Variants in RGPD3 observed in about 807,000 individuals in gnomAD.
The protein encoded by RGPD3 is RANBP2 like and GRIP domain containing 3.
In RGPD3, 62 loss-of-function variants were observed where a neutral mutation model predicts 154.5. The observed-to-expected ratio is 0.40, with a 90% confidence interval of 0.33 to 0.50. RGPD3 has a LOEUF of 0.50. Among genes scored for constraint, RGPD3 ranks in the 20% least tolerant of loss-of-function variants. The probability of loss-of-function intolerance (pLI) is 0.59; values close to 1 mark genes in which losing one functional copy is unlikely to be tolerated. For missense variants in RGPD3, 919 were observed against 1,716.8 expected, an observed-to-expected ratio of 0.54 and a Z score of 8.21; for synonymous variants, 308 against 607.0, an observed-to-expected ratio of 0.51 and a Z score of 7.24.
chr2:106,426,127 G>A (rs1198796228), intron 18 of RGPD3, 39 bp from the exon 19 acceptor site: 3 of 1,592,304 alleles, frequency 1.9e-6, no homozygotes, highest in South Asian at 1.1e-5. Context: ...CACTGTTAAA[G>A]TCTATACTAC....
intron 22 of RGPD3, among the ~76,000 whole-genome samples, chr2:106,411,576 C>G (rs1185754796): frequency 2.0e-5 from 3 of 151,016 alleles, no homozygotes; most frequent in Non-Finnish European, 3.0e-5. Flanking sequence ...CACCTGTAAT[C>G]CCAGCACTTT....
chr2:106,426,136 A>AC (rs767679155), intron 18 of RGPD3, 48 bp from the exon 19 acceptor site: 1 of 1,579,078 alleles, frequency 6.3e-7, no homozygotes. Flanking sequence ...AGTCTATACT[A>AC]CAGTTAAGAC....
chr2:106,424,560 T>A lies in RGPD3; in HGVS notation c.3407A>T (p.Asp1136Val), dbSNP rs1677121455. The part of the protein sequence containing the change: ...SDRAWMWSAS[D>V]FSDGDAKLER... ...TAGTTTGGCATCACCATCAGAGAAA[T>A]CACTGGCTGACCACATCCATGCTCT... Residue 1136 changes from aspartate (D) to valine (V), a missense_variant, in exon 20 of 23, where the codon GAT (aspartate) becomes GTT (valine). Physicochemically the swap from Asp to Val is radical, Grantham distance 152. Transcript: ENST00000409886. 6.2e-6 allele frequency: 10 copies of A among 1,610,156 alleles called. No individual in the cohort carries two copies. The highest frequency in any genetic ancestry group is 4.0e-5 in the African/African-American group (3 of 74,674).
At chr2:106,464,218 T>C (rs1303148632) in intron 1 of RGPD3, among the ~76,000 whole-genome samples, 5 of 149,668 alleles carry the variant, frequency 3.3e-5, no homozygotes, top group African/African-American at 1.2e-4. Context: ...TTGTGGCGGG[T>C]GCCCGTAGTC....
intron 22 of RGPD3, 130 bp from the exon 23 acceptor site, chr2:106,405,359 T>G (rs561137129): frequency 0.052 from 54,104 of 1,035,902 alleles, 2,197 homozygotes; most frequent in Non-Finnish European, 0.058. Context: ...GCCTTTTTTG[T>G]TGGGTGGGGG....
chr2:106,435,898 T>C (rs1296282424), intron 12 of RGPD3, among the ~76,000 whole-genome samples: 1 of 152,238 alleles, frequency 6.6e-6, no homozygotes, highest in Admixed American at 6.5e-5. Context: ...TATTAAGGAA[T>C]AACAGTAACA....
chr2:106,464,197 T>G (rs1678489322), intron 1 of RGPD3, among the ~76,000 whole-genome samples: 1 of 151,872 alleles, frequency 6.6e-6, no homozygotes, highest in Admixed American at 6.6e-5. Context: ...CACTAAAAAA[T>G]TAGCCGGGTG....
At chr2:106,408,606 T>A (rs1285637664) in intron 22 of RGPD3, among the ~76,000 whole-genome samples, 1 of 133,390 alleles carries the variant, frequency 7.5e-6, no homozygotes, top group Non-Finnish European at 1.6e-5. Flanking sequence ...TAATTGCTTA[T>A]CCTTAGTAGA....
At chr2:106,438,063 G>C (rs1221068235) in intron 9 of RGPD3, among the ~76,000 whole-genome samples, 1 of 152,082 alleles carries the variant, frequency 6.6e-6, no homozygotes, top group Non-Finnish European at 1.5e-5. Context: ...CCTGAGTAGG[G>C]ACTACAGGCA....
At position 106,436,188 on chromosome 2, in the gene RGPD3, C is replaced by A. The variant is rs1292217795; in HGVS notation, c.1693G>T (p.Ala565Ser). Residue 565 changes from alanine to serine, a missense_variant, in exon 12 of 23, where the codon GCC (alanine) becomes TCC (serine). Transcript: ENST00000409886. ...GGTTGAAGGCCATGTTTTTCCTGGG[C>A]TCTTAGAGTGTTTATTTCATGCTGA... The part of the protein sequence containing the change: ...LVQHEINTLR[A>S]QEKHGLQPAL... The A allele has an allele frequency of 7.4e-6, 12 of 1,611,644 alleles. No individual in the cohort carries two copies. The highest frequency in any genetic ancestry group is 1.0e-5 in the Non-Finnish European group (12 of 1,179,844).
chr2:106,415,281 A>C (rs1006649128), intron 21 of RGPD3, among the ~76,000 whole-genome samples: 1 of 151,546 alleles, frequency 6.6e-6, no homozygotes, highest in South Asian at 2.1e-4. Context: ...TTATTTAAGC[A>C]TATGTGAACA....
chr2:106,436,049 C>T (rs1306857449), intron 12 of RGPD3, 74 bp downstream of exon 12: 2 of 1,528,704 alleles, frequency 1.3e-6, no homozygotes, highest in Non-Finnish European at 1.8e-6. Context: ...AACAAAAAAA[C>T]TTTCAATAAA....
chr2:106,459,101 A>G (rs1216644896), intron 2 of RGPD3, among the ~76,000 whole-genome samples, 164 bp downstream of exon 2: 6 of 147,240 alleles, frequency 4.1e-5, no homozygotes, highest in African/African-American at 1.5e-4. Context: ...TTCAATCTCA[A>G]TGGAATCTAG....
chr2:106,468,057 C>A (rs1427338444), intron 1 of RGPD3, among the ~76,000 whole-genome samples, 160 bp downstream of exon 1: 4 of 128,670 alleles, frequency 3.1e-5, no homozygotes, highest in East Asian at 2.6e-4. Context: ...CCATCGAGGC[C>A]GCCGCAGGGC....
Position 106,443,614 on chromosome 2 carries a change from C to G in RGPD3, c.979-2234G>C, listed in dbSNP as rs1677826621. On this transcript the variant is annotated intron_variant, in intron 7 of 22. Coordinates refer to ENST00000409886, the MANE Select transcript of RGPD3 (RefSeq NM_001144013.2). ...ACCCGGCCTCTTTTACAAAATTATT[C>G]AATAGTTGAATTTGTGACCAGTTAA... is the stretch of plus-strand genomic sequence containing the variant. Among the ~76,000 whole-genome samples the G allele has an allele frequency of 2.2e-5, 2 of 92,830 alleles. 1 individual carries two copies. The highest frequency in any genetic ancestry group is 7.4e-5 in the African/African-American group (2 of 27,154). 60.9% of individuals were successfully genotyped at this position (92,830 alleles called of 152,430 possible).
At chr2:106,448,371 A>G (rs1390393039) in intron 6 of RGPD3, among the ~76,000 whole-genome samples, 1 of 152,110 alleles carries the variant, frequency 6.6e-6, no homozygotes, top group Admixed American at 6.6e-5. Flanking sequence ...CAGCTTACCA[A>G]TGTGCCGGGA....
chr2:106,446,880 C>CA lies in RGPD3; in HGVS notation c.978+537dup, dbSNP rs1156838512. 6.1e-5 allele frequency among the ~76,000 whole-genome samples: 9 copies of CA among 147,044 alleles called. 1 individual carries two copies. The highest frequency in any genetic ancestry group is 4.0e-4 in the East Asian group (2 of 5,022). On this transcript the variant is annotated intron_variant, in intron 7 of 22. Coordinates refer to ENST00000409886, the MANE Select transcript of RGPD3 (RefSeq NM_001144013.2). ...CTGGCGACAGAGAGAGACTTGGTCT[C>CA]AAAAAAAATAAAAAAATAAAAAATA...
chr2:106,404,602 AAT>A lies in RGPD3; in HGVS notation c.*615_*616del, dbSNP rs1166919323. On this transcript the variant is annotated 3_prime_UTR_variant, in exon 23 of 23. Coordinates refer to ENST00000409886, the MANE Select transcript of RGPD3 (RefSeq NM_001144013.2). ...AATCTGTAAATCTGACCTTGCAATA[AAT>A]AGTCATAAAATGTTATTTTTATTAC... 1.7e-5 allele frequency among the ~76,000 whole-genome samples: 2 copies of A among 116,228 alleles called. No homozygotes were observed. Among genetic ancestry groups the A allele is most frequent in the East Asian group, 2.6e-4 (1 of 3,900 alleles). 76.3% of individuals were successfully genotyped at this position (116,228 alleles called of 152,430 possible). A position where few individuals can be genotyped will look rare whatever the true frequency, so the allele number is the denominator to read the frequency against.
intron 22 of RGPD3, among the ~76,000 whole-genome samples, chr2:106,410,981 A>G (rs1676653184): frequency 6.6e-6 from 1 of 151,196 alleles, no homozygotes; most frequent in South Asian, 2.1e-4. Flanking sequence ...CAAAGAAACT[A>G]TCAATACTAC....
Sources: gnomAD v4.1 joint callset for allele counts (sites outside exome capture counted in the v4.1 genomes callset) on GRCh38, gnomAD v4.1.1 for gene constraint, MANE v1.5 for transcripts, NCBI Gene and HGNC (gene_info 2026-07-23, HGNC 2026-07-21) for gene names.